RANBP3: variants seen among roughly 807,000 people sequenced by gnomAD.
RANBP3 encodes the protein RAN binding protein 3, also known as ran-binding protein 3.
A neutral mutation model predicts 77.3 loss-of-function variants in RANBP3; 14 were observed. The ratio of observed to expected loss-of-function variants is 0.18; its 90% CI spans 0.12 to 0.28. The LOEUF (loss-of-function observed/expected upper bound fraction) is 0.28. RANBP3 is among the 10% of genes least tolerant of loss of function. RANBP3 has a pLI of 1.00. For missense variants in RANBP3, 586 were observed against 752.3 expected, an observed-to-expected ratio of 0.78 and a Z score of 2.59; for synonymous variants, 315 against 312.4, an observed-to-expected ratio of 1.01 and a Z score of -0.09.
intron 14 of RANBP3, among the ~76,000 whole-genome samples, chr19:5,919,294 A>C (rs1170545946): frequency 9.9e-5 from 15 of 152,136 alleles, no homozygotes; most frequent in Admixed American, 6.5e-5. Context: ...CACCCCGTGG[A>C]CTCAGCCAAG....
rs1017557868 is a variant in RANBP3 at position 5,958,038 on chromosome 19, C to T, written c.23-65G>A. 80 of 1,394,282 alleles carry T rather than the reference C, an allele frequency of 5.7e-5. No individual in the cohort carries two copies. The highest frequency in any genetic ancestry group is 4.6e-5 in the East Asian group (2 of 43,840). The allele number at this position is 1,394,282 out of a possible 1,614,324, so 86.4% of individuals were successfully genotyped here. A position where few individuals can be genotyped will look rare whatever the true frequency, so the allele number is the denominator to read the frequency against. ...TATGCATACAGTAAACAAAGCTACA[C>T]TTGTTTGTAATATGTTAAACATATA... On this transcript the variant is annotated intron_variant, in intron 1 of 16. Transcript: ENST00000340578. This position sits in a 1 kb window ranked among gnomAD's most constrained non-coding sequence, Gnocchi z 4.4.
intron 5 of RANBP3, among the ~76,000 whole-genome samples, chr19:5,940,710 A>G (rs2058124587): frequency 6.6e-6 from 1 of 152,244 alleles, no homozygotes; most frequent in African/African-American, 2.4e-5. Flanking sequence ...AATGGATTTC[A>G]GTTGGGTAAC....
intron 8 of RANBP3, among the ~76,000 whole-genome samples, chr19:5,928,877 A>G (rs1458695150): frequency 2.0e-5 from 3 of 152,218 alleles, no homozygotes; most frequent in Non-Finnish European, 4.4e-5. Context: ...ATGATGAAAA[A>G]GGTGTTGTAG....
At chr19:5,923,345 G>C (rs377066098) in intron 12 of RANBP3, 42 bp from the exon 13 acceptor site, 4 of 1,573,836 alleles carry the variant, frequency 2.5e-6, no homozygotes, top group Non-Finnish European at 3.5e-6. Context: ...ATTATTTGGC[G>C]AGAGGAGAGC....
At chr19:5,940,137 T>G (rs118142016) in intron 5 of RANBP3, among the ~76,000 whole-genome samples, 2,738 of 152,312 alleles carry the variant, frequency 0.018, 35 homozygotes, top group Non-Finnish European at 0.027. Context: ...CCAGTTACCC[T>G]GGAGAGCTGA....
At chr19:5,925,908 C>T in intron 9 of RANBP3, 171 bp from the exon 10 acceptor site, 1 of 609,964 alleles carries the variant, frequency 1.6e-6, no homozygotes, top group Non-Finnish European at 3.0e-6. Flanking sequence ...GGGCTATAAT[C>T]AACTCCATCA....
At chr19:5,930,398 T>C (rs2057973205) in intron 8 of RANBP3, among the ~76,000 whole-genome samples, 1 of 152,094 alleles carries the variant, frequency 6.6e-6, no homozygotes, top group South Asian at 2.1e-4. Context: ...AACACAAAGA[T>C]CCAATCTGGC....
Position 5,933,470 on chromosome 19 carries a change from C to T in RANBP3, c.416G>A (p.Ser139Asn), listed in dbSNP as rs759882322. ...QFPPSQSEER[S>N]SGFRLKPPTL... The stretch of plus-strand genomic sequence containing the variant: ...TGGTGGCTTCAACCGGAAGCCACTG[C>T]TCCTTTCCTCTAAAAGCACAAGACA... The change falls in exon 6 of 17, where the codon AGC (serine) becomes AAC (asparagine). Residue 139 changes from serine to asparagine, a missense_variant. Ser to Asn is a conservative substitution (Grantham distance 46). This residue lies in a region of RANBP3 where 172 missense variants were observed against 183.4 expected (regional missense o/e 0.94). Transcript: ENST00000340578. 1 of 1,613,288 alleles carries T rather than the reference C, an allele frequency of 6.2e-7. No individual in the cohort carries two copies.
At position 5,921,125 on chromosome 19, in the gene RANBP3, C is replaced by T. The variant is rs1334088176; in HGVS notation, c.1330+76G>A. 2 of 1,522,772 alleles carry T rather than the reference C, an allele frequency of 1.3e-6. No homozygotes were observed. Among genetic ancestry groups the T allele is most frequent in the African/African-American group, 2.8e-5 (2 of 72,618 alleles). The allele number at this position is 1,522,772 out of a possible 1,614,324, so 94.3% of individuals were successfully genotyped here. On this transcript the variant is annotated intron_variant, in intron 14 of 16. Coordinates refer to ENST00000340578, the MANE Select transcript of RANBP3 (RefSeq NM_007322.3). The surrounding 1 kb of genome is among the most constrained non-coding windows in gnomAD (Gnocchi z 5.3). The stretch of plus-strand genomic sequence containing the variant: ...GGTAGGGTCAGGATCTCCCCCGCTT[C>T]ATTCCCTTTGGAATTGCATAGTCCC...
rs2145041942 is a variant in RANBP3 at position 5,924,554 on chromosome 19, C to T, written c.996+273G>A. Among the ~76,000 whole-genome samples the T allele has an allele frequency of 6.6e-6, 1 of 152,374 alleles. No individual in the cohort carries two copies. The highest frequency in any genetic ancestry group is 1.9e-4 in the East Asian group (1 of 5,186). On this transcript the variant is annotated intron_variant, in intron 11 of 16. Coordinates refer to ENST00000340578, the MANE Select transcript of RANBP3 (RefSeq NM_007322.3). This position sits in a 1 kb window ranked among gnomAD's most constrained non-coding sequence, Gnocchi z 4.7. ...CATGGACCCCGACTGCCAGCAGGAC[C>T]CTGCAGCCTCCAGGGAAGCCCATCT...
At chr19:5,939,480 C>T (rs927969482) in intron 5 of RANBP3, among the ~76,000 whole-genome samples, 2 of 152,226 alleles carry the variant, frequency 1.3e-5, no homozygotes, top group Non-Finnish European at 2.9e-5. Context: ...ACCCCCAGGC[C>T]GGGCGGGAAG....
intron 1 of RANBP3, chr19:5,974,507 G>C (rs2058566130): frequency 6.6e-6 from 1 of 152,218 alleles, no homozygotes; most frequent in Non-Finnish European, 1.5e-5. Flanking sequence ...ATCCCTGGAT[G>C]CAAGGGTGAA....
At chr19:5,969,133 G>T (rs1269632805) in intron 1 of RANBP3, among the ~76,000 whole-genome samples, 1 of 152,208 alleles carries the variant, frequency 6.6e-6, no homozygotes, top group Non-Finnish European at 1.5e-5. Context: ...GGAAGGGCTG[G>T]GTGGAGCCCA....
At chr19:5,928,771 T>TTTTG (rs1491399099) in intron 8 of RANBP3, among the ~76,000 whole-genome samples, 17 of 14,000 alleles carry the variant, frequency 1.2e-3, no homozygotes, top group African/African-American at 6.8e-3. Flanking sequence ...TAGGCATGAC[T>TTTTG]TTTTTGTAAC....
At position 5,918,749 on chromosome 19, in the gene RANBP3, C is replaced by T. The variant is rs571439654; in HGVS notation, c.1331-111G>A. On this transcript the variant is annotated intron_variant, in intron 14 of 16. Coordinates refer to ENST00000340578, the MANE Select transcript of RANBP3 (RefSeq NM_007322.3). The stretch of plus-strand genomic sequence containing the variant: ...GGAAAGCGACATCACCGCGCAAAAG[C>T]CCATGATCCTCCCAGGACCCACCCA... The T allele has an allele frequency of 1.1e-5, 15 of 1,374,124 alleles. No homozygotes were observed. In the South Asian group the frequency reaches 1.6e-4, roughly 14 times the overall value. 85.1% of individuals were successfully genotyped at this position (1,374,124 alleles called of 1,614,324 possible).
Position 5,916,731 on chromosome 19 carries a change from G to C in RANBP3, c.*879C>G, listed in dbSNP as rs2057743110. The C allele has an allele frequency of 6.6e-6, 1 of 152,648 alleles. No homozygotes were observed. Among genetic ancestry groups the C allele is most frequent in the Non-Finnish European group, 1.5e-5 (1 of 68,386 alleles). The allele number at this position is 152,648 out of a possible 1,614,324, so 9.5% of individuals were successfully genotyped here. Reference sequence around the variant, plus strand: ...TTTGCGCCTGGTGCCTGATGATGGTGAACCACGTGACAGATGGAGACGGGA... The same window carrying C: ...TTTGCGCCTGGTGCCTGATGATGGTCAACCACGTGACAGATGGAGACGGGA... On this transcript the variant is annotated 3_prime_UTR_variant, in exon 17 of 17. Coordinates refer to ENST00000340578, the MANE Select transcript of RANBP3 (RefSeq NM_007322.3).
At chr19:5,975,306 A>G (rs1443126767) in intron 1 of RANBP3, among the ~76,000 whole-genome samples, 2 of 152,140 alleles carry the variant, frequency 1.3e-5, no homozygotes, top group African/African-American at 4.8e-5. Context: ...TGTGGCACTT[A>G]CTAGGGAAAA....
At chr19:5,932,156 G>A (rs1026869252) in intron 7 of RANBP3, among the ~76,000 whole-genome samples, 1 of 152,146 alleles carries the variant, frequency 6.6e-6, no homozygotes, top group Non-Finnish European at 1.5e-5. Flanking sequence ...CCCAGGAGCC[G>A]GCCTGCTTTT....
intron 8 of RANBP3, among the ~76,000 whole-genome samples, chr19:5,929,166 T>C (rs1036118530): frequency 6.6e-6 from 1 of 152,184 alleles, no homozygotes; most frequent in Non-Finnish European, 1.5e-5. Flanking sequence ...AAGTGAAAAG[T>C]GTAAATGTTT....
Sources: allele counts gnomAD v4.1 joint callset (sites outside exome capture counted in the v4.1 genomes callset), GRCh38; gene constraint gnomAD v4.1.1; regional missense constraint gnomAD v4.1.1; non-coding constraint Gnocchi (gnomAD v3.1); transcripts MANE v1.5; gene names NCBI Gene and HGNC (gene_info 2026-07-23, HGNC 2026-07-21).